The following LRSAM1 variants were observed in gnomAD, a reference collection of about 807,000 sequenced individuals.
The protein encoded by LRSAM1 is E3 ubiquitin-protein ligase LRSAM1.
LRSAM1 carries 96 observed loss-of-function variants against 118.1 expected under a neutral mutation model. The observed-to-expected ratio is 0.81, with a 90% CI of 0.69 to 0.96. The LOEUF is 0.96. Ranked by LOEUF, LRSAM1 falls within the 40% of genes least tolerant of loss-of-function variation. LRSAM1 has a pLI of 0.00. For synonymous variants in LRSAM1, 322 were observed against 364.2 expected (o/e 0.88, Z 1.32); for missense variants, 804 against 915.5 (o/e 0.88, Z 1.57).
Position 127,458,996 on chromosome 9 carries a change from T to C in LRSAM1, c.253-7T>C. 6.2e-7 allele frequency: 1 copy of C among 1,613,548 alleles called. No individual in the cohort carries two copies. Among genetic ancestry groups the C allele is most frequent in the East Asian group, 2.2e-5 (1 of 44,872 alleles). ...CTTGGAGACTCACAGGGGTCTTTCT[T>C]CTGCAGGTTCTAGATCTCCACGATA... On this transcript the variant is annotated splice_region_variant and splice_polypyrimidine_tract_variant and intron_variant, in intron 6 of 25. Coordinates refer to ENST00000300417, the MANE Select transcript of LRSAM1 (RefSeq NM_001005373.4).
At position 127,481,169 on chromosome 9, in the gene LRSAM1, GATTTTC is replaced by G; in HGVS notation, c.1044-13_1044-8del. The G allele has an allele frequency of 6.2e-7, 1 of 1,613,804 alleles. No homozygotes were observed. Among genetic ancestry groups the G allele is most frequent in the Non-Finnish European group, 8.5e-7 (1 of 1,179,938 alleles). On this transcript the variant is annotated splice_polypyrimidine_tract_variant and splice_region_variant and intron_variant, in intron 14 of 25. Transcript: ENST00000300417. ...GCTGGTGACTGCCAGGACCTTTTAT[GATTTTC>G]TCCACAGACAAAAGAAAAGCTCCGA...
rs369384290 is a variant in LRSAM1 at position 127,455,570 on chromosome 9, T to C, written c.130-6T>C. ...GAGACACTTACTCTTCTTTATCTTA[T>C]CTTAGATTCCATTTGGAGCTTTTGC... On this transcript the variant is annotated splice_region_variant and splice_polypyrimidine_tract_variant and intron_variant, in intron 4 of 25. Transcript: ENST00000300417. 5 of 1,614,142 alleles carry C rather than the reference T, an allele frequency of 3.1e-6. No homozygotes were observed. Among genetic ancestry groups the C allele is most frequent in the Non-Finnish European group, 4.2e-6 (5 of 1,180,002 alleles).
At chr9:127,473,710 G>A (rs1435514183) in intron 10 of LRSAM1, 91 bp from the exon 11 acceptor site, 1 of 1,578,596 alleles carries the variant, frequency 6.3e-7, no homozygotes, top group Non-Finnish European at 8.7e-7. Context: ...GAGTCAGGGT[G>A]GGGCCGGCTG....
intron 10 of LRSAM1, 39 bp downstream of exon 10, chr9:127,467,869 C>G: frequency 1.3e-6 from 2 of 1,539,316 alleles, no homozygotes; most frequent in East Asian, 2.4e-5. Context: ...CATTGAGGAA[C>G]TATGACCCCC....
chr9:127,467,590 TGTAA>T, intron 9 of LRSAM1, 146 bp from the exon 10 acceptor site: 4 of 779,384 alleles, frequency 5.1e-6, no homozygotes, highest in Non-Finnish European at 8.8e-6. Context: ...GGAACGCAGC[TGTAA>T]GTAACAAGAC....
chr9:127,462,159 C>T lies in LRSAM1; in HGVS notation c.407-93C>T, dbSNP rs1461948570. On this transcript the variant is annotated intron_variant, in intron 8 of 25. Coordinates refer to ENST00000300417, the MANE Select transcript of LRSAM1 (RefSeq NM_001005373.4). ...CTCAGAGCCCAGGATCTGTTGTGTG[C>T]CCTAGAGGTCAGAGTGGCTCCCAGC... is the stretch of plus-strand genomic sequence containing the variant. 8.9e-6 allele frequency: 14 copies of T among 1,571,756 alleles called. No individual in the cohort carries two copies. The Admixed American group carries it at 2.1e-4, about 23-fold the overall frequency.
At chr9:127,498,041 C>T in intron 24 of LRSAM1, among the ~76,000 whole-genome samples, 1 of 152,180 alleles carries the variant, frequency 6.6e-6, no homozygotes, top group East Asian at 1.9e-4. Flanking sequence ...GGTGAGGGGC[C>T]AGAGCAGGGG....
chr9:127,498,088 G>A (rs527436982), intron 24 of LRSAM1, among the ~76,000 whole-genome samples: 3 of 152,318 alleles, frequency 2.0e-5, no homozygotes, highest in South Asian at 2.1e-4. Flanking sequence ...TGGGCTGGGC[G>A]AGGCTCTGGA....
At chr9:127,466,493 TATATATA>T (rs556236953) in intron 9 of LRSAM1, among the ~76,000 whole-genome samples, 216 of 18,028 alleles carry the variant, frequency 0.012, 4 homozygotes, top group Non-Finnish European at 0.018. Flanking sequence ...TATATATATA[TATATATA>T]TATATTTTTT....
chr9:127,467,100 G>A (rs1588106957), intron 9 of LRSAM1, among the ~76,000 whole-genome samples: 1 of 152,240 alleles, frequency 6.6e-6, no homozygotes, highest in South Asian at 2.1e-4. Flanking sequence ...GCTGGCAACC[G>A]AGAGGCAGCT....
rs150820300 is a variant in LRSAM1 at position 127,473,901 on chromosome 9, C to G, written c.720C>G (p.Asp240Glu). ...NSRDSPDGPT[D>E]RFSREELEWQ... ...GGGACAGCCCTGATGGGCCCACGGA[C>G]AGATTCTCAAGGGAGGAGTTAGAGT... Residue 240 changes from aspartate (D) to glutamate (E), a missense_variant, in exon 11 of 26, where the codon GAC (aspartate) becomes GAG (glutamate). Physicochemically the swap from Asp to Glu is conservative, Grantham distance 45. Coordinates refer to ENST00000300417, the MANE Select transcript of LRSAM1 (RefSeq NM_001005373.4). 4.2e-5 allele frequency: 67 copies of G among 1,614,248 alleles called. No individual in the cohort carries two copies. The African/African-American group carries it at 7.6e-4, about 18-fold the overall frequency.
intron 8 of LRSAM1, 86 bp downstream of exon 8, chr9:127,461,343 G>A: frequency 7.9e-7 from 1 of 1,258,002 alleles, no homozygotes; most frequent in Non-Finnish European, 1.1e-6. Flanking sequence ...CCGCCCGGGA[G>A]CCATTGAGCA....
At chr9:127,498,746 C>T (rs1361914403) in intron 24 of LRSAM1, among the ~76,000 whole-genome samples, 5 of 152,144 alleles carry the variant, frequency 3.3e-5, no homozygotes, top group African/African-American at 7.2e-5. Context: ...TCCCAGAAAT[C>T]GGTATACTTT....
chr9:127,479,329 G>A (rs1417347576), intron 12 of LRSAM1, 54 bp from the exon 13 acceptor site: 2 of 1,613,294 alleles, frequency 1.2e-6, no homozygotes, highest in Non-Finnish European at 1.7e-6. Context: ...CGACTTCTGT[G>A]TCCTAACTCC....
rs1156243243 is a variant in LRSAM1, at chr9:127,479,923, C to T, written c.988C>T (p.Gln330Ter). ...GCAGCGGCTGCAGGAGCAGCTGAAG[C>T]AGACGGAACAGAACATTTCCAGCCG... The part of the protein sequence containing the change: ...ERQRLQEQLK[Q>*]TEQNISSRIQ... The change falls in exon 14 of 26, where the codon CAG (glutamine) becomes TAG (stop). Residue 330 changes from glutamine (Q) to a stop codon, truncating the protein, a stop_gained. Transcript: ENST00000300417. LOFTEE classifies it high-confidence loss of function. 2 of 1,614,028 alleles carry T rather than the reference C, an allele frequency of 1.2e-6. No individual in the cohort carries two copies. The highest frequency in any genetic ancestry group is 2.7e-5 in the African/African-American group (2 of 74,944).
chr9:127,459,628 A>C (rs1333725685), intron 7 of LRSAM1, among the ~76,000 whole-genome samples: 1 of 150,538 alleles, frequency 6.6e-6, no homozygotes, highest in African/African-American at 2.4e-5. Flanking sequence ...GCACCATCTC[A>C]ACTCACTGCA....
chr9:127,472,436 G>A (rs183486750), intron 10 of LRSAM1, among the ~76,000 whole-genome samples: 51 of 152,116 alleles, frequency 3.4e-4, no homozygotes, highest in Admixed American at 6.5e-4. Flanking sequence ...GAGGTCAGGA[G>A]TTCGAGACCA....
chr9:127,454,169 C>T lies in LRSAM1; in HGVS notation c.-32-327C>T, dbSNP rs756439043. Among the ~76,000 whole-genome samples the T allele has an allele frequency of 4.7e-4, 71 of 151,996 alleles. 1 individual carries two copies. Among genetic ancestry groups the T allele is most frequent in the Admixed American group, 3.3e-4 (5 of 15,266 alleles). ...GGAACTCACTAGAAAGACGCAGCCCCTGCCTCCGTGAAACTCACTAGAAAG... is the reference window on the plus strand; with the variant it reads ...GGAACTCACTAGAAAGACGCAGCCCTTGCCTCCGTGAAACTCACTAGAAAG... On this transcript the variant is annotated intron_variant, in intron 2 of 25. Coordinates refer to ENST00000300417, the MANE Select transcript of LRSAM1 (RefSeq NM_001005373.4).
At chr9:127,457,416 A>G in intron 6 of LRSAM1, 23 bp downstream of exon 6, 1 of 1,612,272 alleles carries the variant, frequency 6.2e-7, no homozygotes, top group African/African-American at 1.3e-5. Flanking sequence ...CCTCCCAGGC[A>G]GCTGGGGCTC....
Sources: allele counts gnomAD v4.1 joint callset (sites outside exome capture counted in the v4.1 genomes callset), GRCh38; gene constraint gnomAD v4.1.1; transcripts MANE v1.5; gene names NCBI Gene and HGNC (gene_info 2026-07-23, HGNC 2026-07-21).